Variants in CHLSN observed in about 807,000 individuals in gnomAD.
CHLSN encodes the protein protein cholesin.
the CHLSN span, chr7:1,092,987 C>T: frequency 3.1e-5 from 27 of 859,600 alleles, no homozygotes; most frequent in Non-Finnish European, 4.7e-5. Context: ...CGGGGCCTCG[C>T]GAGGGTCACG....
At chr7:1,054,193 T>C in the CHLSN span, among the ~76,000 whole-genome samples, 5 of 152,144 alleles carry the variant, frequency 3.3e-5, no homozygotes, top group African/African-American at 1.2e-4. Context: ...AAAGGAGGGC[T>C]CCAGGGAGAA....
At chr7:1,119,889 A>G in the CHLSN span, among the ~76,000 whole-genome samples, 55 of 150,256 alleles carry the variant, frequency 3.7e-4, no homozygotes, top group Non-Finnish European at 4.9e-4. Context: ...AAAAAAAAAA[A>G]GGGGGATAGA....
At chr7:997,550 C>G in the CHLSN span, 2 of 1,300,676 alleles carry the variant, frequency 1.5e-6, no homozygotes, top group Admixed American at 3.7e-5. Context: ...CGGCCCCCAC[C>G]GCCGGAGGAG....
At chr7:1,042,419 C>T in the CHLSN span, among the ~76,000 whole-genome samples, 2 of 152,192 alleles carry the variant, frequency 1.3e-5, no homozygotes, top group Non-Finnish European at 2.9e-5. Flanking sequence ...CCCACCCTTC[C>T]CCCCACCAAC....
chr7:1,009,965 A>AG, the CHLSN span: 1 of 1,563,292 alleles, frequency 6.4e-7, no homozygotes, highest in Non-Finnish European at 8.6e-7. Flanking sequence ...GAGGTAGTCC[A>AG]GGGCCAGTTC....
the CHLSN span, among the ~76,000 whole-genome samples, chr7:1,029,917 G>C: frequency 6.6e-6 from 1 of 152,220 alleles, no homozygotes; most frequent in Non-Finnish European, 1.5e-5. Flanking sequence ...AGGCCTCCTG[G>C]AGCTGGTGGA....
At chr7:1,040,922 C>T in the CHLSN span, among the ~76,000 whole-genome samples, 3 of 152,366 alleles carry the variant, frequency 2.0e-5, no homozygotes, top group African/African-American at 2.4e-5. Flanking sequence ...GCTGCAGCCG[C>T]GCTCCGTGAG....
At chr7:988,294 C>T in the CHLSN span, 2 of 1,598,884 alleles carry the variant, frequency 1.3e-6, no homozygotes, top group South Asian at 1.1e-5. Flanking sequence ...CCGTGATTCC[C>T]CTGCTGACCT....
At chr7:1,136,201 A>AAT in the CHLSN span, among the ~76,000 whole-genome samples, 2 of 106,154 alleles carry the variant, frequency 1.9e-5, no homozygotes, top group African/African-American at 9.1e-5. Context: ...TATATACACA[A>AAT]ATATATAAAT....
chr7:1,024,486 G>A, the CHLSN span: 1 of 152,248 alleles, frequency 6.6e-6, no homozygotes, highest in African/African-American at 2.4e-5. Flanking sequence ...AGGTGCCTTT[G>A]GTGGCCAGTG....
chr7:1,072,209 C>T, the CHLSN span, among the ~76,000 whole-genome samples: 1,708 of 152,338 alleles, frequency 0.011, 28 homozygotes, highest in African/African-American at 0.039. Flanking sequence ...TGGCTGCCCA[C>T]GGTCAGCACA....
At chr7:1,070,588 A>T in the CHLSN span, among the ~76,000 whole-genome samples, 6,737 of 149,248 alleles carry the variant, frequency 0.045, 194 homozygotes, top group African/African-American at 0.064. Context: ...GCACACACGG[A>T]CACGCACACA....
chr7:1,071,892 A>G, the CHLSN span, among the ~76,000 whole-genome samples: 6 of 152,188 alleles, frequency 3.9e-5, no homozygotes, highest in Admixed American at 3.9e-4. Context: ...TTCGGCACCC[A>G]AGACTGCACC....
At chr7:1,051,587 A>T in the CHLSN span, among the ~76,000 whole-genome samples, 1 of 152,204 alleles carries the variant, frequency 6.6e-6, no homozygotes, top group East Asian at 1.9e-4. Context: ...TCCAAATGAG[A>T]CTGGTCAGAT....
the CHLSN span, among the ~76,000 whole-genome samples, chr7:1,070,857 TGCACACGGGTGC>T: frequency 1.4e-5 from 2 of 144,856 alleles, no homozygotes; most frequent in Non-Finnish European, 3.0e-5. Context: ...CACACGGACA[TGCACACGGGTGC>T]GCACACGTGC....
At chr7:1,119,240 T>C in the CHLSN span, among the ~76,000 whole-genome samples, 1 of 151,778 alleles carries the variant, frequency 6.6e-6, no homozygotes, top group African/African-American at 2.4e-5. Flanking sequence ...AGAATGAAAC[T>C]GTATCTCCAC....
At chr7:1,048,848 G>A in the CHLSN span, among the ~76,000 whole-genome samples, 1 of 152,198 alleles carries the variant, frequency 6.6e-6, no homozygotes, top group Non-Finnish European at 1.5e-5. Flanking sequence ...CCTGGAGCAG[G>A]TTCTCCTTCT....
chr7:1,021,784 G>A, the CHLSN span, among the ~76,000 whole-genome samples: 4 of 152,238 alleles, frequency 2.6e-5, no homozygotes, highest in African/African-American at 7.2e-5. Flanking sequence ...AAGAAAGCAT[G>A]CGGCAAAAAT....
chr7:1,039,011 G>A, the CHLSN span, among the ~76,000 whole-genome samples: 3 of 78,182 alleles, frequency 3.8e-5, no homozygotes, highest in African/African-American at 1.5e-4. Flanking sequence ...AGGGAGGTGG[G>A]GGTGTCGGCC....
Sources: gnomAD v4.1 joint callset for allele counts (sites outside exome capture counted in the v4.1 genomes callset) on GRCh38, gnomAD v4.1.1 for gene constraint, MANE v1.5 for transcripts, NCBI Gene and HGNC (gene_info 2026-07-23, HGNC 2026-07-21) for gene names.